Variants in SORCS2 observed in about 807,000 individuals in gnomAD.
The protein encoded by SORCS2 is VPS10 domain-containing receptor SorCS2.
SORCS2 carries 100 observed loss-of-function variants against 141.6 expected under a neutral mutation model. The observed-to-expected ratio is 0.71, with a 90% CI of 0.60 to 0.83. The LOEUF is 0.83. Among genes scored for constraint, SORCS2 ranks in the 40% least tolerant of loss-of-function variants. The pLI is 0.00. For synonymous variants in SORCS2, 789 were observed against 676.9 expected (o/e 1.17, Z -2.57); for missense variants, 1,646 against 1,560.2 (o/e 1.05, Z -0.93).
At position 7,286,794 on chromosome 4, in the gene SORCS2, G is replaced by A. The variant is rs534202446; in HGVS notation, c.480+93668G>A. Among the ~76,000 whole-genome samples the A allele has an allele frequency of 6.6e-5, 10 of 152,340 alleles. No individual in the cohort carries two copies. Among genetic ancestry groups the A allele is most frequent in the East Asian group, 3.9e-4 (2 of 5,170 alleles). On this transcript the variant is annotated intron_variant, in intron 1 of 26. Coordinates refer to ENST00000507866, the MANE Select transcript of SORCS2 (RefSeq NM_020777.3). The surrounding 1 kb of genome is among the most constrained non-coding windows in gnomAD (Gnocchi z 4.1). ...TGATAACTGAGGCAGACTGGGAGGC[G>A]TCTTGGGTCCCAGACCGTGGAACCT...
At chr4:7,500,717 A>G (rs1011869742) in intron 2 of SORCS2, among the ~76,000 whole-genome samples, 9 of 152,052 alleles carry the variant, frequency 5.9e-5, no homozygotes, top group Non-Finnish European at 8.8e-5. Flanking sequence ...TTTACATCGC[A>G]CGTCGTCCAA....
chr4:7,301,455 C>A (rs1043206499), intron 1 of SORCS2, among the ~76,000 whole-genome samples: 1 of 152,224 alleles, frequency 6.6e-6, no homozygotes, highest in Admixed American at 6.5e-5. Flanking sequence ...CAATATCACA[C>A]AAAGTTCTCA....
At chr4:7,669,409 G>A (rs1722672451) in intron 8 of SORCS2, among the ~76,000 whole-genome samples, 1 of 152,184 alleles carries the variant, frequency 6.6e-6, no homozygotes, top group African/African-American at 2.4e-5. Context: ...GGGGCCCCCA[G>A]AGCCCTACGG....
At chr4:7,390,257 C>T (rs1030515027) in intron 1 of SORCS2, among the ~76,000 whole-genome samples, 2 of 152,308 alleles carry the variant, frequency 1.3e-5, no homozygotes, top group East Asian at 1.9e-4. Context: ...TGATTGACAA[C>T]TGAATTGGGC....
intron 3 of SORCS2, among the ~76,000 whole-genome samples, chr4:7,556,594 G>A (rs1358790401): frequency 6.6e-6 from 1 of 152,130 alleles, no homozygotes; most frequent in Admixed American, 6.5e-5. Flanking sequence ...GTATATGTAT[G>A]CTTGAAACAT....
At chr4:7,719,654 G>C (rs1726442321) in intron 18 of SORCS2, among the ~76,000 whole-genome samples, 2 of 152,102 alleles carry the variant, frequency 1.3e-5, no homozygotes, top group South Asian at 4.1e-4. Context: ...CAGGAGGACA[G>C]AGCCGCTGCC....
intron 2 of SORCS2, among the ~76,000 whole-genome samples, chr4:7,453,774 TGCTGTGTGTTGGGGTCAGGA>T (rs1728663658): frequency 1.2e-5 from 1 of 80,118 alleles, no homozygotes; most frequent in Non-Finnish European, 2.4e-5. Context: ...TGGGGTCAGG[TGCTGTGTGTTGGGGTCAGGA>T]GCTGTGTGTT....
chr4:7,341,044 G>T (rs1221019788), intron 1 of SORCS2, among the ~76,000 whole-genome samples: 1 of 152,236 alleles, frequency 6.6e-6, no homozygotes, highest in Non-Finnish European at 1.5e-5. Flanking sequence ...TGAGGAGTGA[G>T]CAGGAAGCAT....
chr4:7,435,170 C>G (rs547174825), intron 2 of SORCS2, among the ~76,000 whole-genome samples: 1 of 152,264 alleles, frequency 6.6e-6, no homozygotes, highest in Non-Finnish European at 1.5e-5. Context: ...GCCCTCCTGG[C>G]CCCTGGGCTG....
intron 1 of SORCS2, among the ~76,000 whole-genome samples, chr4:7,360,797 C>G (rs372229098): frequency 6.6e-6 from 1 of 151,710 alleles, no homozygotes; most frequent in Admixed American, 6.6e-5. Context: ...GTTGCCAAGC[C>G]TGGTCTCGAA....
intron 1 of SORCS2, among the ~76,000 whole-genome samples, chr4:7,291,935 G>A (rs140035976): frequency 3.9e-5 from 6 of 152,316 alleles, no homozygotes; most frequent in African/African-American, 9.6e-5. Context: ...CTGGGAATGC[G>A]GCCACACAGG....
intron 1 of SORCS2, among the ~76,000 whole-genome samples, chr4:7,274,885 C>T (rs1014200553): frequency 3.3e-5 from 5 of 152,160 alleles, no homozygotes; most frequent in African/African-American, 9.7e-5. Flanking sequence ...TCCCCCATCA[C>T]GTGGTGCTTC....
At chr4:7,262,375 TATCCATCCATCCATCC>T (rs61111993) in intron 1 of SORCS2, among the ~76,000 whole-genome samples, 17,158 of 137,040 alleles carry the variant, frequency 0.13, 1,132 homozygotes, top group Middle Eastern at 0.17. Flanking sequence ...CCTATCCATC[TATCCATCCATCCATCC>T]ATCCATCCAT....
chr4:7,303,804 C>T (rs143215849), intron 1 of SORCS2, among the ~76,000 whole-genome samples: 6 of 152,334 alleles, frequency 3.9e-5, no homozygotes, highest in Non-Finnish European at 8.8e-5. Context: ...GACCTCGGCG[C>T]GTCTCTGTCC....
intron 2 of SORCS2, among the ~76,000 whole-genome samples, chr4:7,443,523 C>G (rs1727810343): frequency 6.6e-6 from 1 of 152,208 alleles, no homozygotes; most frequent in African/African-American, 2.4e-5. Flanking sequence ...CAACCCGAAA[C>G]CTTGAGAGAC....
intron 1 of SORCS2, among the ~76,000 whole-genome samples, chr4:7,289,938 G>T (rs370916894): frequency 3.4e-4 from 52 of 152,298 alleles, no homozygotes; most frequent in African/African-American, 1.2e-3. Context: ...GCAGCCAGGG[G>T]ACAAGGACAA....
chr4:7,475,544 G>GC (rs1474107805), intron 2 of SORCS2, among the ~76,000 whole-genome samples: 5 of 152,196 alleles, frequency 3.3e-5, no homozygotes, highest in African/African-American at 1.2e-4. Context: ...CAGCCCAGCT[G>GC]CCCCCCTCCT....
chr4:7,516,821 G>C (rs1384955810), intron 2 of SORCS2, among the ~76,000 whole-genome samples: 2 of 152,216 alleles, frequency 1.3e-5, no homozygotes, highest in Non-Finnish European at 2.9e-5. Context: ...TGCAGGTACA[G>C]GTGTGAGAAG....
intron 2 of SORCS2, among the ~76,000 whole-genome samples, chr4:7,403,813 G>A (rs1224739633): frequency 7.2e-6 from 1 of 139,462 alleles, no homozygotes; most frequent in African/African-American, 2.7e-5. Flanking sequence ...TGTGTAGATT[G>A]CATAATGGTG....
Sources: gnomAD v4.1 joint callset for allele counts (sites outside exome capture counted in the v4.1 genomes callset) on GRCh38, gnomAD v4.1.1 for gene constraint, Gnocchi (gnomAD v3.1) non-coding constraint, MANE v1.5 for transcripts, NCBI Gene and HGNC (gene_info 2026-07-23, HGNC 2026-07-21) for gene names.